RNF180: variants seen among roughly 807,000 people sequenced by gnomAD.
RNF180 encodes E3 ubiquitin-protein ligase RNF180.
Under a neutral mutation model 59.2 loss-of-function variants are expected in RNF180, and 38 were observed. The observed-to-expected ratio is 0.64, with a 90% CI of 0.50 to 0.84. RNF180 has a LOEUF of 0.84. Among genes scored for constraint, RNF180 ranks in the 40% least tolerant of loss-of-function variants. The pLI, the probability that RNF180 is intolerant of heterozygous loss-of-function variation, is 0.00. For missense variants in RNF180, 705 were observed against 700.9 expected (o/e 1.01, Z -0.07); for synonymous variants, 262 against 240.3 (o/e 1.09, Z -0.84).
At chr5:64,189,605 C>T (rs766066501) in intron 1 of RNF180, among the ~76,000 whole-genome samples, 17 of 152,054 alleles carry the variant, frequency 1.1e-4, no homozygotes, top group African/African-American at 3.4e-4. Flanking sequence ...AGATGTGGCC[C>T]GGTTTCTCCT....
At chr5:64,244,907 AAGCCAGAAGAGAGT>A (rs1449578986) in intron 5 of RNF180, among the ~76,000 whole-genome samples, 6,109 of 152,320 alleles carry the variant, frequency 0.04, 351 homozygotes, top group African/African-American at 0.14. Context: ...GAAAGCCTAC[AAGCCAGAAGAGAGT>A]GAGGGCAAAT....
intron 1 of RNF180, among the ~76,000 whole-genome samples, chr5:64,171,895 G>A (rs1749956005): frequency 6.6e-6 from 1 of 152,066 alleles, no homozygotes. Context: ...AAGTTAAGTA[G>A]CAGGGAGCAT....
At chr5:64,258,902 A>G (rs1744152661) in intron 5 of RNF180, among the ~76,000 whole-genome samples, 1 of 152,236 alleles carries the variant, frequency 6.6e-6, no homozygotes, top group African/African-American at 2.4e-5. Context: ...GTGTTAGGCT[A>G]GGCAGTGCTT....
At chr5:64,218,126 T>A (rs1447215480) in intron 5 of RNF180, among the ~76,000 whole-genome samples, 1 of 152,200 alleles carries the variant, frequency 6.6e-6, no homozygotes, top group African/African-American at 2.4e-5. Flanking sequence ...TTAATTTTTA[T>A]GACGTCCTAT....
At chr5:64,347,653 C>T (rs531319293) in intron 7 of RNF180, among the ~76,000 whole-genome samples, 1 of 152,134 alleles carries the variant, frequency 6.6e-6, no homozygotes, top group Non-Finnish European at 1.5e-5. Flanking sequence ...TCATAAATTT[C>T]AGCAGCTATT....
Position 64,330,397 on chromosome 5 carries a change from CT to C in RNF180, c.1575del (p.Phe525LeufsTer42). 6.5e-7 allele frequency: 1 copy of C among 1,536,134 alleles called. No homozygotes were observed. The highest frequency in any genetic ancestry group is 8.7e-7 in the Non-Finnish European group (1 of 1,143,550). The part of the protein sequence containing the change: ...PLPSCRKAFH[L>X]FGGFRRHAAP... The stretch of plus-strand genomic sequence containing the variant: ...ACCAAGCTGCAGAAAAGCATTTCAT[CT>C]TTTTGGAGGTAAGGAAATCTAACGC... On this transcript the variant is annotated frameshift_variant, in exon 7 of 8. Coordinates refer to ENST00000389100, the MANE Select transcript of RNF180 (RefSeq NM_001113561.2). LOFTEE classifies it high-confidence loss of function.
intron 7 of RNF180, among the ~76,000 whole-genome samples, chr5:64,365,648 A>G (rs1746418290): frequency 6.6e-6 from 1 of 151,688 alleles, no homozygotes; most frequent in Admixed American, 6.6e-5. Context: ...AGCTTGCTTT[A>G]TGAATCTGGG....
intron 5 of RNF180, among the ~76,000 whole-genome samples, chr5:64,270,293 C>G (rs1268752904): frequency 6.6e-6 from 1 of 152,096 alleles, no homozygotes; most frequent in Admixed American, 6.6e-5. Context: ...GCTGTGTGGT[C>G]TATATCCTTT....
chr5:64,166,384 C>G (rs1249198539), intron 1 of RNF180: 2 of 152,678 alleles, frequency 1.3e-5, no homozygotes, highest in Non-Finnish European at 2.9e-5. Context: ...ACCACACAGC[C>G]CCTTCCACGG....
intron 5 of RNF180, among the ~76,000 whole-genome samples, chr5:64,295,685 G>A (rs1373568070): frequency 6.6e-6 from 1 of 152,094 alleles, no homozygotes; most frequent in Non-Finnish European, 1.5e-5. Context: ...GGGAACCCCA[G>A]GTAATGCATC....
intron 5 of RNF180, among the ~76,000 whole-genome samples, chr5:64,275,308 A>ATT (rs1380346399): frequency 1.1e-4 from 16 of 148,870 alleles, no homozygotes; most frequent in Admixed American, 2.7e-4. Context: ...AGAGAATAAG[A>ATT]TATAGAATTC....
At position 64,369,709 on chromosome 5, in the gene RNF180, A is replaced by G; in HGVS notation, c.1674A>G (p.Gly558=). Reference sequence around the variant, plus strand: ...TGCACTTTGAGGATGATAGCCGTGGATGGTGGTTTGACATGGATATGGTGA... The same window carrying G: ...TGCACTTTGAGGATGATAGCCGTGGGTGGTGGTTTGACATGGATATGGTGA... ...DYLHFEDDSR[G]WWFDMDMVII... The change falls in exon 8 of 8, where the codon GGA becomes GGG. Residue 558 remains glycine, a synonymous_variant. Coordinates refer to ENST00000389100, the MANE Select transcript of RNF180 (RefSeq NM_001113561.2). The G allele has an allele frequency of 6.5e-7, 1 of 1,548,454 alleles. No homozygotes were observed. Among genetic ancestry groups the G allele is most frequent in the East Asian group, 2.5e-5 (1 of 40,768 alleles).
chr5:64,208,840 A>T (rs1281234509), intron 2 of RNF180, among the ~76,000 whole-genome samples: 1 of 151,990 alleles, frequency 6.6e-6, no homozygotes, highest in Non-Finnish European at 1.5e-5. Flanking sequence ...AAAAAAATAT[A>T]TGCTGTTTTA....
intron 5 of RNF180, among the ~76,000 whole-genome samples, chr5:64,223,687 T>A (rs1741488483): frequency 6.6e-6 from 1 of 152,164 alleles, no homozygotes; most frequent in Non-Finnish European, 1.5e-5. Context: ...ATTTTATCTT[T>A]TTTTTTGATG....
chr5:64,295,401 C>G (rs1045667323), intron 5 of RNF180, among the ~76,000 whole-genome samples: 2 of 152,160 alleles, frequency 1.3e-5, no homozygotes, highest in African/African-American at 2.4e-5. Flanking sequence ...TATTAATGCT[C>G]TATGGGGAAA....
chr5:64,245,386 A>G (rs1743088403), intron 5 of RNF180, among the ~76,000 whole-genome samples: 2 of 152,330 alleles, frequency 1.3e-5, no homozygotes, highest in South Asian at 2.1e-4. Flanking sequence ...CTCACATGCA[A>G]AGACACACAT....
At chr5:64,355,004 T>G (rs138104433) in intron 7 of RNF180, among the ~76,000 whole-genome samples, 7 of 151,956 alleles carry the variant, frequency 4.6e-5, no homozygotes, top group African/African-American at 1.7e-4. Context: ...CCCCTAAAAT[T>G]AGGAACAAAA....
At chr5:64,341,343 T>G (rs993038209) in intron 7 of RNF180, among the ~76,000 whole-genome samples, 1 of 152,182 alleles carries the variant, frequency 6.6e-6, no homozygotes, top group Non-Finnish European at 1.5e-5. Flanking sequence ...TGACTGATAC[T>G]GGATTTTTTT....
Position 64,353,600 on chromosome 5 carries a change from GTA to G in RNF180, c.1580-16013_1580-16012del, listed in dbSNP as rs1745901168. On this transcript the variant is annotated intron_variant, in intron 7 of 7. Transcript: ENST00000389100. ...AGAATTCATGAGTATAAATATAAATGTATGTTATATAACCTAATGTCAAGTAT... is the reference window on the plus strand; with the variant it reads ...AGAATTCATGAGTATAAATATAAATGTGTTATATAACCTAATGTCAAGTAT... 2.0e-5 allele frequency among the ~76,000 whole-genome samples: 3 copies of G among 151,828 alleles called. No individual in the cohort carries two copies. In the East Asian group the frequency reaches 5.8e-4, roughly 30 times the overall value.
Sources: gnomAD v4.1 joint callset for allele counts (sites outside exome capture counted in the v4.1 genomes callset) on GRCh38, gnomAD v4.1.1 for gene constraint, MANE v1.5 for transcripts, NCBI Gene and HGNC (gene_info 2026-07-23, HGNC 2026-07-21) for gene names.